Variants in SBF2 observed in about 807,000 individuals in gnomAD.
SBF2 encodes SET binding factor 2.
A neutral mutation model predicts 225.2 loss-of-function variants in SBF2; 112 were observed. The observed-to-expected ratio is 0.50, with a 90% CI of 0.43 to 0.58. SBF2 has a LOEUF of 0.58. Among genes scored for constraint, SBF2 ranks in the 20% least tolerant of loss-of-function variants. SBF2 has a pLI of 0.00. For missense variants in SBF2, 1,996 were observed against 2,206.2 expected, an observed-to-expected ratio of 0.90 and a Z score of 1.91; for synonymous variants, 763 against 773.3, an observed-to-expected ratio of 0.99 and a Z score of 0.22.
At chr11:9,994,084 T>C in intron 9 of SBF2, 86 bp from the exon 10 acceptor site, 1 of 971,964 alleles carries the variant, frequency 1.0e-6, no homozygotes, top group Non-Finnish European at 1.6e-6. Context: ...TGTCAGCATA[T>C]GAATTATAAT....
At chr11:10,121,223 G>A (rs1591003223) in intron 2 of SBF2, among the ~76,000 whole-genome samples, 1 of 152,192 alleles carries the variant, frequency 6.6e-6, no homozygotes, top group Non-Finnish European at 1.5e-5. Flanking sequence ...GCACTCAGAA[G>A]ATAATGCATA....
At chr11:10,204,721 A>G (rs2119991) in intron 1 of SBF2, among the ~76,000 whole-genome samples, 30,549 of 151,722 alleles carry the variant, frequency 0.2, 3,330 homozygotes, top group East Asian at 0.29. Context: ...CTTGAAAACC[A>G]TATGCTAATT....
intron 2 of SBF2, among the ~76,000 whole-genome samples, chr11:10,159,885 G>A (rs375470697): frequency 1.1e-4 from 16 of 150,520 alleles, no homozygotes; most frequent in East Asian, 3.9e-4. Flanking sequence ...GCAAGACTCC[G>A]TCTCAAAAAA....
At chr11:10,161,729 T>C (rs1461223379) in intron 2 of SBF2, among the ~76,000 whole-genome samples, 2 of 149,786 alleles carry the variant, frequency 1.3e-5, no homozygotes, top group Non-Finnish European at 2.9e-5. Flanking sequence ...CTCACGCCAG[T>C]AATCCCAACA....
Position 10,028,400 on chromosome 11 carries a change from T to C in SBF2, c.619+52A>G, listed in dbSNP as rs911311775. 5 of 1,146,690 alleles carry C rather than the reference T, an allele frequency of 4.4e-6. No homozygotes were observed. In the African/African-American group the frequency reaches 7.6e-5, roughly 17 times the overall value. The allele number at this position is 1,146,690 out of a possible 1,614,324, so 71.0% of individuals were successfully genotyped here. On this transcript the variant is annotated intron_variant, in intron 6 of 39. Transcript: ENST00000256190. Reference sequence around the variant, plus strand: ...GGTGATGTCGACTTAAAATAAATCCTTTAATCATAGGCTTCTACAAGATGA... The same window carrying C: ...GGTGATGTCGACTTAAAATAAATCCCTTAATCATAGGCTTCTACAAGATGA...
At chr11:9,986,097 G>A (rs1947186098) in intron 13 of SBF2, among the ~76,000 whole-genome samples, 1 of 152,052 alleles carries the variant, frequency 6.6e-6, no homozygotes, top group Admixed American at 6.6e-5. Flanking sequence ...TCAAACCACA[G>A]TGGAATAAAA....
At chr11:10,183,463 G>A (rs1044457057) in intron 2 of SBF2, among the ~76,000 whole-genome samples, 16 of 152,070 alleles carry the variant, frequency 1.1e-4, no homozygotes, top group African/African-American at 3.6e-4. Flanking sequence ...AATCAGTCAC[G>A]GTTTTGACAT....
Position 9,858,402 on chromosome 11 carries a change from A to C in SBF2, c.1930-6T>G, listed in dbSNP as rs1203137237. 3.1e-6 allele frequency: 5 copies of C among 1,614,118 alleles called. No homozygotes were observed. ...CTGACTCCAGGGGCAAGTTTCTGTG[A>C]GAACACACAAAATACATCATCATGG... On this transcript the variant is annotated splice_polypyrimidine_tract_variant and splice_region_variant and intron_variant, in intron 17 of 39. Transcript: ENST00000256190.
At chr11:10,270,978 G>C (rs1267602522) in intron 1 of SBF2, among the ~76,000 whole-genome samples, 8 of 101,440 alleles carry the variant, frequency 7.9e-5, no homozygotes, top group African/African-American at 3.1e-4. Context: ...CTGGGCGACA[G>C]AGCAAGACTC....
chr11:10,051,739 T>C (rs1170317078), intron 2 of SBF2, among the ~76,000 whole-genome samples: 1 of 152,008 alleles, frequency 6.6e-6, no homozygotes, highest in African/African-American at 2.4e-5. Context: ...GTTACACAGT[T>C]TACAAAAATT....
chr11:10,063,335 T>C (rs1187192752), intron 2 of SBF2, among the ~76,000 whole-genome samples: 2 of 128,840 alleles, frequency 1.6e-5, no homozygotes, highest in African/African-American at 5.3e-5. Context: ...AAAATATATA[T>C]ATATATATAT....
rs1487089032 is a variant in SBF2 at position 9,856,508 on chromosome 11, T to C, written c.2313A>G (p.Thr771=). ...LDTSKNKLLR[T]SAPGDWESGS... is the part of the protein sequence containing the mutation. ...CGCTCTCCCAGTCACCTGGCGCTGA[T>C]GTTCTTAGGAGCTTGTTTTTACTTG... The change falls in exon 19 of 40, where the codon ACA becomes ACG. Residue 771 remains threonine, a synonymous_variant. Transcript: ENST00000256190. 1.2e-6 allele frequency: 2 copies of C among 1,614,210 alleles called. No homozygotes were observed. The highest frequency in any genetic ancestry group is 1.7e-6 in the Non-Finnish European group (2 of 1,180,040).
chr11:10,102,449 G>T (rs1282551448), intron 2 of SBF2, among the ~76,000 whole-genome samples: 1 of 152,196 alleles, frequency 6.6e-6, no homozygotes, highest in African/African-American at 2.4e-5. Context: ...GACATACAAG[G>T]TTGCAAGGTA....
chr11:9,811,858 G>A (rs1188720375), intron 30 of SBF2, among the ~76,000 whole-genome samples: 1 of 152,094 alleles, frequency 6.6e-6, no homozygotes, highest in African/African-American at 2.4e-5. Context: ...GCTCATGCCT[G>A]TAATCACAGC....
At chr11:10,185,842 C>T (rs12274104) in intron 2 of SBF2, among the ~76,000 whole-genome samples, 14,478 of 152,004 alleles carry the variant, frequency 0.095, 938 homozygotes, top group East Asian at 0.28. Context: ...TAGTTTCCAA[C>T]CTTTTGCATA....
At chr11:10,027,105 A>G (rs1265956199) in intron 6 of SBF2, among the ~76,000 whole-genome samples, 4 of 152,208 alleles carry the variant, frequency 2.6e-5, no homozygotes, top group Non-Finnish European at 4.4e-5. Flanking sequence ...AACACTTAAA[A>G]TCCATTCTCT....
chr11:9,790,485 A>T (rs900339618), intron 34 of SBF2, 71 bp downstream of exon 34: 6 of 1,331,780 alleles, frequency 4.5e-6, no homozygotes, highest in Non-Finnish European at 6.4e-6. Context: ...AACTGCTTAT[A>T]TATGTTAAAA....
chr11:10,001,459 CA>C (rs200150855), intron 7 of SBF2, among the ~76,000 whole-genome samples: 19 of 134,474 alleles, frequency 1.4e-4, no homozygotes, highest in South Asian at 7.3e-4. Flanking sequence ...ATAAGAATGG[CA>C]AAAAAAAGGG....
intron 16 of SBF2, among the ~76,000 whole-genome samples, chr11:9,949,808 GAC>G (rs1394973127): frequency 6.6e-6 from 1 of 151,730 alleles, no homozygotes; most frequent in Non-Finnish European, 1.5e-5. Context: ...ACTGACAAAA[GAC>G]AAAAACAATG....
Sources: gnomAD v4.1 joint callset for allele counts (sites outside exome capture counted in the v4.1 genomes callset) on GRCh38, gnomAD v4.1.1 for gene constraint, MANE v1.5 for transcripts, NCBI Gene and HGNC (gene_info 2026-07-23, HGNC 2026-07-21) for gene names.